SEC62: variants seen among roughly 807,000 people sequenced by gnomAD.
SEC62 encodes translocation protein SEC62.
A neutral mutation model predicts 47.5 loss-of-function variants in SEC62; 10 were observed. The observed-to-expected ratio is 0.21, with a 90% CI of 0.13 to 0.36. The LOEUF (loss-of-function observed/expected upper bound fraction) is 0.36, where lower values mean the gene tolerates loss of function less well. Ranked by LOEUF, SEC62 falls within the 10% of genes least tolerant of loss-of-function variation. The probability of loss-of-function intolerance (pLI) is 1.00; values close to 1 mark genes in which losing one functional copy is unlikely to be tolerated. For synonymous variants in SEC62, 136 were observed against 150.5 expected (o/e 0.90, Z 0.71); for missense variants, 327 against 464.1 (o/e 0.70, Z 2.71).
chr3:169,982,591 T>A (rs1715002273), intron 3 of SEC62, 116 bp from the exon 4 acceptor site: 2 of 1,240,150 alleles, frequency 1.6e-6, no homozygotes, highest in Non-Finnish European at 2.3e-6. Context: ...AGTTGTAATT[T>A]CTCTTGTGTT....
chr3:169,986,005 TA>T (rs1715097914), intron 6 of SEC62, 140 bp downstream of exon 6: 1 of 573,372 alleles, frequency 1.7e-6, no homozygotes, highest in Admixed American at 3.4e-5. Context: ...AGTCAGAAGA[TA>T]AATAATACAC....
rs1242679205 is a variant in SEC62 at position 169,983,217 on chromosome 3, G to A, written c.513G>A (p.Glu171=). ...KKETKKKFKL[E]PHDDQVFLDG... ...AAACTAAGAAAAAATTCAAACTTGA[G>A]CCACATGATGATCAGGTTTTTCTGG... Residue 171 remains glutamate (E), a synonymous_variant, in exon 5 of 8, where the codon GAG becomes GAA. Transcript: ENST00000337002. 6.2e-7 allele frequency: 1 copy of A among 1,612,526 alleles called. No homozygotes were observed. The highest frequency in any genetic ancestry group is 8.5e-7 in the Non-Finnish European group (1 of 1,179,170).
In SEC62 at chr3:169,988,303, A is replaced by C; in HGVS notation, c.674A>C (p.Tyr225Ser). 1 of 1,613,878 alleles carries C rather than the reference A, an allele frequency of 6.2e-7. No individual in the cohort carries two copies. Among genetic ancestry groups the C allele is most frequent in the East Asian group, 2.2e-5 (1 of 44,854 alleles). ...LWPAEMRVGVYYLSVGAGCFV... is the reference protein window; with the variant it reads ...LWPAEMRVGVSYLSVGAGCFV... ...CCAGCAGAAATGAGAGTAGGTGTTT[A>C]TTACCTCAGTGTGGGTGCAGGCTGT... The change falls in exon 7 of 8, where the codon TAT becomes TCT. Residue 225 changes from tyrosine to serine, a missense_variant. Tyr to Ser is a moderately radical substitution (Grantham distance 144). This residue lies in a region of SEC62 where 99 missense variants were observed against 194.0 expected (regional missense o/e 0.51). Coordinates refer to ENST00000337002, the MANE Select transcript of SEC62 (RefSeq NM_003262.4).
chr3:169,974,008 T>C (rs1019062026), intron 1 of SEC62, among the ~76,000 whole-genome samples: 1 of 152,212 alleles, frequency 6.6e-6, no homozygotes, highest in Non-Finnish European at 1.5e-5. Context: ...GAAACGTAGG[T>C]TTGTTGGTTG....
rs200340300 is a variant in SEC62, at chr3:169,982,832, A to G, written c.377A>G (p.Lys126Arg). ...ESGKEEDKKS[K>R]KENIKDEKTK... Reference sequence around the variant, plus strand: ...GGAAAAGAAGAAGATAAAAAGAGCAAGAAAGAAAATATAAAGGATGAGAAG... The same window carrying G: ...GGAAAAGAAGAAGATAAAAAGAGCAGGAAAGAAAATATAAAGGATGAGAAG... The change falls in exon 4 of 8, where the codon AAG becomes AGG. Residue 126 changes from lysine (K) to arginine (R), a missense_variant. By Grantham distance (26) the Lys-to-Arg change is conservative (BLOSUM62 2). Around this residue, in one of 3 missense-constraint regions of SEC62, gnomAD observed 126 missense variants for 161.2 expected, o/e 0.78. Coordinates refer to ENST00000337002, the MANE Select transcript of SEC62 (RefSeq NM_003262.4). The G allele has an allele frequency of 1.9e-3, 3,076 of 1,592,244 alleles. 8 individuals are homozygous for G. Among genetic ancestry groups the G allele is most frequent in the Non-Finnish European group, 2.5e-3 (2,916 of 1,170,816 alleles).
rs752465819 is a variant in SEC62, at chr3:169,988,253, A to T, written c.624A>T (p.Ile208=). 5.3e-5 allele frequency: 86 copies of T among 1,613,604 alleles called. No homozygotes were observed. The highest frequency in any genetic ancestry group is 7.0e-5 in the Non-Finnish European group (83 of 1,179,708). ...TTCTTGTTCCAGTGATTGCAGTAAT[A>T]GCGGCCACCCTCTTCCCCCTTTGGC... The part of the protein sequence containing the change: ...VMGLILVIAV[I]AATLFPLWPA... The change falls in exon 7 of 8, where the codon ATA becomes ATT. Residue 208 remains isoleucine, a synonymous_variant. Transcript: ENST00000337002.
rs1388756011 is a variant in SEC62, at chr3:169,985,987, T to TTA, written c.610+123_610+124dup. The TTA allele has an allele frequency of 5.1e-6, 3 of 593,726 alleles. No homozygotes were observed. In the African/African-American group the frequency reaches 5.7e-5, roughly 11 times the overall value. The allele number at this position is 593,726 out of a possible 1,614,324, so 36.8% of individuals were successfully genotyped here. A position where few individuals can be genotyped will look rare whatever the true frequency, so the allele number is the denominator to read the frequency against. ...AAATAGTTGTCATTTTAAAAATACT[T>TTA]TAAATAAAGTCAGAAGATAAATAAT... On this transcript the variant is annotated intron_variant, in intron 6 of 7. Transcript: ENST00000337002.
At chr3:169,970,748 T>C (rs990406109) in intron 1 of SEC62, among the ~76,000 whole-genome samples, 1 of 152,236 alleles carries the variant, frequency 6.6e-6, no homozygotes, top group Non-Finnish European at 1.5e-5. Context: ...GACAGTTGTG[T>C]TCATTCATTG....
At chr3:169,977,229 T>C (rs1714857160) in intron 3 of SEC62, among the ~76,000 whole-genome samples, 178 bp downstream of exon 3, 2 of 152,218 alleles carry the variant, frequency 1.3e-5, no homozygotes, top group Admixed American at 1.3e-4. Flanking sequence ...CTATTATACT[T>C]TTAACTGTAT....
At chr3:169,987,081 G>A (rs1430109935) in intron 6 of SEC62, among the ~76,000 whole-genome samples, 15 of 151,926 alleles carry the variant, frequency 9.9e-5, no homozygotes, top group Admixed American at 8.5e-4. Context: ...AAAAAAATAG[G>A]TAGCAGTTAA....
At position 169,992,946 on chromosome 3, in the gene SEC62, T is replaced by C; in HGVS notation, c.1083T>C (p.Asn361=). 6.2e-7 allele frequency: 1 copy of C among 1,613,776 alleles called. No individual in the cohort carries two copies. The highest frequency in any genetic ancestry group is 8.5e-7 in the Non-Finnish European group (1 of 1,179,936). The change falls in exon 8 of 8, where the codon AAT becomes AAC. Residue 361 remains asparagine, a synonymous_variant. Transcript: ENST00000337002. The surrounding 1 kb of genome is among the most constrained non-coding windows in gnomAD (Gnocchi z 4.0). ...DRSQHSSGNG[N]DFEMITKEEL... ...CCCAGCACAGTAGTGGAAATGGAAA[T>C]GATTTTGAAATGATAACAAAAGAGG...
intron 3 of SEC62, among the ~76,000 whole-genome samples, chr3:169,977,858 A>G (rs1360201984): frequency 1.3e-5 from 2 of 152,356 alleles, no homozygotes; most frequent in South Asian, 2.1e-4. Flanking sequence ...TATCAGCCAC[A>G]TAAGAACCCT....
At chr3:169,970,998 A>G (rs1714683219) in intron 1 of SEC62, among the ~76,000 whole-genome samples, 2 of 152,170 alleles carry the variant, frequency 1.3e-5, no homozygotes, top group South Asian at 4.1e-4. Flanking sequence ...GTGAAAGTGA[A>G]GACTGCATGC....
Position 169,993,778 on chromosome 3 carries a change from G to A in SEC62, c.*715G>A, listed in dbSNP as rs997073032. ...TCCCTCCCCATTTCATTGGCGTAAC[G>A]TAAAGTGTATTCTGTACATAATTTA... is the stretch of plus-strand genomic sequence containing the variant. On this transcript the variant is annotated 3_prime_UTR_variant, in exon 8 of 8. Coordinates refer to ENST00000337002, the MANE Select transcript of SEC62 (RefSeq NM_003262.4). 21 of 152,618 alleles carry A rather than the reference G, an allele frequency of 1.4e-4. No individual in the cohort carries two copies. Among genetic ancestry groups the A allele is most frequent in the African/African-American group, 4.1e-4 (17 of 41,454 alleles). The allele number at this position is 152,618 out of a possible 1,614,324, so 9.5% of individuals were successfully genotyped here. A position where few individuals can be genotyped will look rare whatever the true frequency, so the allele number is the denominator to read the frequency against.
At chr3:169,977,361 T>A (rs1197109349) in intron 3 of SEC62, among the ~76,000 whole-genome samples, 1 of 152,170 alleles carries the variant, frequency 6.6e-6, no homozygotes, top group Admixed American at 6.5e-5. Context: ...AGCAAATTGG[T>A]TGAGGAGTCT....
Position 169,992,896 on chromosome 3 carries a change from A to G in SEC62, c.1033A>G (p.Ser345Gly). The change falls in exon 8 of 8, where the codon AGT (serine) becomes GGT (glycine). Residue 345 changes from serine to glycine, a missense_variant. Ser to Gly is a moderately conservative substitution (Grantham distance 56, BLOSUM62 0). Around this residue, in one of 3 missense-constraint regions of SEC62, gnomAD observed 102 missense variants for 108.8 expected, o/e 0.94. Coordinates refer to ENST00000337002, the MANE Select transcript of SEC62 (RefSeq NM_003262.4). The surrounding 1 kb of genome is among the most constrained non-coding windows in gnomAD (Gnocchi z 4.0). The stretch of plus-strand genomic sequence containing the variant: ...GGGAGAACGGCATTCAGACACGGAC[A>G]GTGACAGGAGGGAAGATGATCGATC... ...SGGERHSDTD[S>G]DRREDDRSQH... 6.2e-7 allele frequency: 1 copy of G among 1,614,118 alleles called. No homozygotes were observed. The highest frequency in any genetic ancestry group is 8.5e-7 in the Non-Finnish European group (1 of 1,180,014).
chr3:169,972,806 CAG>C (rs1391764580), intron 1 of SEC62, among the ~76,000 whole-genome samples: 1 of 152,108 alleles, frequency 6.6e-6, no homozygotes, highest in Non-Finnish European at 1.5e-5. Context: ...AGTTATGTAA[CAG>C]AGTGTACATA....
intron 5 of SEC62, chr3:169,985,568 C>A: frequency 2.7e-6 from 1 of 363,950 alleles, no homozygotes; most frequent in Non-Finnish European, 4.9e-6. Context: ...TATGTAAGAA[C>A]ATACAAATTT....
Position 169,994,133 on chromosome 3 carries a change from T to C in SEC62, c.*1070T>C, listed in dbSNP as rs997019994. The C allele has an allele frequency of 6.6e-6, 1 of 152,540 alleles. No individual in the cohort carries two copies. The highest frequency in any genetic ancestry group is 1.5e-5 in the Non-Finnish European group (1 of 68,020). 9.4% of individuals were successfully genotyped at this position (152,540 alleles called of 1,614,324 possible). ...CATTGCTGTGAAAGATAATTTCCTA[T>C]TCTAAAATATCAAATTTAAAATAAA... is the stretch of plus-strand genomic sequence containing the variant. On this transcript the variant is annotated 3_prime_UTR_variant, in exon 8 of 8. Coordinates refer to ENST00000337002, the MANE Select transcript of SEC62 (RefSeq NM_003262.4).
Sources: gnomAD v4.1 joint callset for allele counts (sites outside exome capture counted in the v4.1 genomes callset) on GRCh38, gnomAD v4.1.1 for gene constraint, gnomAD v4.1.1 regional missense constraint, Gnocchi (gnomAD v3.1) non-coding constraint, MANE v1.5 for transcripts, NCBI Gene and HGNC (gene_info 2026-07-23, HGNC 2026-07-21) for gene names.